CUX2: variants seen among roughly 807,000 people sequenced by gnomAD.
The protein encoded by CUX2 is homeobox protein cut-like 2.
CUX2 carries 40 observed loss-of-function variants against 144.8 expected under a neutral mutation model. The observed-to-expected ratio is 0.28, with a 90% CI of 0.21 to 0.36. The LOEUF (loss-of-function observed/expected upper bound fraction) is 0.36. Among genes scored for constraint, CUX2 ranks in the 10% least tolerant of loss-of-function variants. The probability of loss-of-function intolerance (pLI) is 1.00; values close to 1 mark genes in which losing one functional copy is unlikely to be tolerated. For missense variants in CUX2, 1,615 were observed against 1,994.0 expected, an observed-to-expected ratio of 0.81 and a Z score of 3.62; for synonymous variants, 827 against 875.6, an observed-to-expected ratio of 0.94 and a Z score of 0.98.
intron 1 of CUX2, among the ~76,000 whole-genome samples, chr12:111,194,829 C>G (rs1216254220): frequency 6.6e-6 from 1 of 152,196 alleles, no homozygotes; most frequent in African/African-American, 2.4e-5. Flanking sequence ...GCGAGCAGCC[C>G]CAGAGCCTGG....
chr12:111,142,106 C>G (rs1027730844), intron 1 of CUX2, among the ~76,000 whole-genome samples: 1 of 152,116 alleles, frequency 6.6e-6, no homozygotes, highest in Non-Finnish European at 1.5e-5. Context: ...AAACTATTGC[C>G]TGGGGGCAGG....
At chr12:111,036,489 A>T (rs1267252228) in intron 1 of CUX2, among the ~76,000 whole-genome samples, 2 of 151,984 alleles carry the variant, frequency 1.3e-5, no homozygotes, top group African/African-American at 2.4e-5. Context: ...TAATCTGGGA[A>T]CCCTTTGTTA....
At chr12:111,164,405 G>A (rs1047964822) in intron 1 of CUX2, among the ~76,000 whole-genome samples, 12 of 151,652 alleles carry the variant, frequency 7.9e-5, no homozygotes, top group Admixed American at 4.6e-4. Flanking sequence ...GTGAAACCCC[G>A]TCTCTACTAA....
At chr12:111,291,936 A>T (rs140162744) in intron 5 of CUX2, among the ~76,000 whole-genome samples, 1 of 152,256 alleles carries the variant, frequency 6.6e-6, no homozygotes, top group Non-Finnish European at 1.5e-5. Context: ...AAGCCCTGGG[A>T]TGAGCCCTTG....
At position 111,262,491 on chromosome 12, in the gene CUX2, A is replaced by G. The variant is rs770639062; in HGVS notation, c.223-1270A>G. ...AATCCTGGCCTCAAACAATCCTCTT[A>G]CCTCAGCCTCCTGAGTAGCTGGGAC... On this transcript the variant is annotated intron_variant, in intron 3 of 21. Coordinates refer to ENST00000261726, the MANE Select transcript of CUX2 (RefSeq NM_015267.4). Among the ~76,000 whole-genome samples the G allele has an allele frequency of 4.7e-5, 7 of 149,846 alleles. No individual in the cohort carries two copies. In the South Asian group the frequency reaches 1.5e-3, roughly 31 times the overall value.
rs920832042 is a variant in CUX2 at position 111,190,441 on chromosome 12, G to A, written c.64-23759G>A. On this transcript the variant is annotated intron_variant, in intron 1 of 21. Coordinates refer to ENST00000261726, the MANE Select transcript of CUX2 (RefSeq NM_015267.4). The surrounding 1 kb of genome is among the most constrained non-coding windows in gnomAD (Gnocchi z 4.0). ...ACACTCTTGTTCCTGACCTTTCTCA[G>A]GGAGACATCTCCCCAAATTCATGAA... Among the ~76,000 whole-genome samples the A allele has an allele frequency of 6.6e-6, 1 of 152,112 alleles. No homozygotes were observed. The highest frequency in any genetic ancestry group is 1.5e-5 in the Non-Finnish European group (1 of 68,026).
chr12:111,295,352 A>G lies in CUX2; in HGVS notation c.580A>G (p.Ile194Val). The G allele has an allele frequency of 6.2e-7, 1 of 1,613,244 alleles. No homozygotes were observed. Among genetic ancestry groups the G allele is most frequent in the Non-Finnish European group, 8.5e-7 (1 of 1,179,684 alleles). The change falls in exon 7 of 22, where the codon ATC becomes GTC. Residue 194 changes from isoleucine (I) to valine (V), a missense_variant. By Grantham distance (29) the Ile-to-Val change is conservative (BLOSUM62 3). Transcript: ENST00000261726. This position sits in a 1 kb window ranked among gnomAD's most constrained non-coding sequence, Gnocchi z 5.0. Reference sequence around the variant, plus strand: ...CCGCAGGGGCCTTCAAGAAGTACAGATCACTTTGGCGGCCAGACTGGGGGA... The same window carrying G: ...CCGCAGGGGCCTTCAAGAAGTACAGGTCACTTTGGCGGCCAGACTGGGGGA... The part of the protein sequence containing the change: ...EKQKGLQEVQ[I>V]TLAARLGEAE...
intron 9 of CUX2, among the ~76,000 whole-genome samples, chr12:111,300,781 T>C (rs1454055913): frequency 1.3e-5 from 2 of 152,200 alleles, no homozygotes; most frequent in Admixed American, 6.5e-5. Flanking sequence ...CTCATGCCTC[T>C]AATCCCAACA....
At chr12:111,101,110 A>G (rs1413020908) in intron 1 of CUX2, among the ~76,000 whole-genome samples, 1 of 152,188 alleles carries the variant, frequency 6.6e-6, no homozygotes, top group Non-Finnish European at 1.5e-5. Context: ...GTTGCTTTCT[A>G]AATACCAAAG....
At chr12:111,205,198 G>A (rs965196171) in intron 1 of CUX2, among the ~76,000 whole-genome samples, 7 of 151,678 alleles carry the variant, frequency 4.6e-5, no homozygotes, top group South Asian at 4.2e-4. Flanking sequence ...CCTCCATCCC[G>A]GGTCATCCCC....
At chr12:111,042,968 A>G (rs557712241) in intron 1 of CUX2, among the ~76,000 whole-genome samples, 9 of 152,286 alleles carry the variant, frequency 5.9e-5, no homozygotes, top group African/African-American at 2.2e-4. Context: ...AATGCATATG[A>G]AGCGCTGAGA....
chr12:111,322,344 A>T lies in CUX2; in HGVS notation c.2767-77A>T, dbSNP rs1887577788. On this transcript the variant is annotated intron_variant, in intron 17 of 21. Coordinates refer to ENST00000261726, the MANE Select transcript of CUX2 (RefSeq NM_015267.4). This position sits in a 1 kb window ranked among gnomAD's most constrained non-coding sequence, Gnocchi z 4.2. ...CTCAAAAAAAAAAAAAAAAAAAAAA[A>T]GGTTGGGGAGGAGAGTGAGGGCCAG... is the stretch of plus-strand genomic sequence containing the variant. 2.7e-4 allele frequency: 279 copies of T among 1,050,210 alleles called. No homozygotes were observed. The highest frequency in any genetic ancestry group is 3.3e-4 in the Non-Finnish European group (256 of 779,558). 65.1% of individuals were successfully genotyped at this position (1,050,210 alleles called of 1,614,324 possible).
At chr12:111,043,977 G>A (rs1274859319) in intron 1 of CUX2, among the ~76,000 whole-genome samples, 1 of 152,196 alleles carries the variant, frequency 6.6e-6, no homozygotes, top group Non-Finnish European at 1.5e-5. Flanking sequence ...CAGGGGCAGA[G>A]TGCAGCAGAA....
chr12:111,328,518 T>TA (rs771216016), intron 18 of CUX2, among the ~76,000 whole-genome samples: 1 of 151,738 alleles, frequency 6.6e-6, no homozygotes, highest in Admixed American at 6.6e-5. Context: ...CCTGTCCCCA[T>TA]ACACAGTCCC....
chr12:111,340,779 C>G (rs1481378516), intron 20 of CUX2, among the ~76,000 whole-genome samples: 1 of 152,210 alleles, frequency 6.6e-6, no homozygotes, highest in African/African-American at 2.4e-5. Context: ...TAGCCTGTTC[C>G]TCTTCCTTAT....
Position 111,037,599 on chromosome 12 carries a change from C to A in CUX2, c.63+3359C>A, listed in dbSNP as rs1004922232. ...GCTTCTTTTTTGCCTTTGCTGCTAG[C>A]AGCTCAGGAAACGAGAAGAAATAAA... On this transcript the variant is annotated intron_variant, in intron 1 of 21. Coordinates refer to ENST00000261726, the MANE Select transcript of CUX2 (RefSeq NM_015267.4). The surrounding 1 kb of genome is among the most constrained non-coding windows in gnomAD (Gnocchi z 5.4). Among the ~76,000 whole-genome samples the A allele has an allele frequency of 1.3e-5, 2 of 152,200 alleles. No individual in the cohort carries two copies. The highest frequency in any genetic ancestry group is 6.5e-5 in the Admixed American group (1 of 15,278).
At chr12:111,063,146 G>A (rs1799160956) in intron 1 of CUX2, among the ~76,000 whole-genome samples, 1 of 152,110 alleles carries the variant, frequency 6.6e-6, no homozygotes, top group Admixed American at 6.5e-5. Context: ...GGCCTCCCTG[G>A]GCATCCAGAA....
At chr12:111,214,099 T>C (rs1192242690) in intron 1 of CUX2, 101 bp from the exon 2 acceptor site, 1 of 551,500 alleles carries the variant, frequency 1.8e-6, no homozygotes, top group African/African-American at 2.0e-5. Flanking sequence ...TAAGAAAACT[T>C]GTTCAGAATG....
At chr12:111,098,945 G>T (rs1406313654) in intron 1 of CUX2, among the ~76,000 whole-genome samples, 2 of 152,240 alleles carry the variant, frequency 1.3e-5, no homozygotes, top group Admixed American at 6.5e-5. Flanking sequence ...AGACAGGAAC[G>T]GCCAGAAGTG....
Sources: gnomAD v4.1 joint callset for allele counts (sites outside exome capture counted in the v4.1 genomes callset) on GRCh38, gnomAD v4.1.1 for gene constraint, Gnocchi (gnomAD v3.1) non-coding constraint, MANE v1.5 for transcripts, NCBI Gene and HGNC (gene_info 2026-07-23, HGNC 2026-07-21) for gene names.